PRORP: variants seen among roughly 807,000 people sequenced by gnomAD.
PRORP encodes protein only RNase P catalytic subunit.
In PRORP, 51 loss-of-function variants were observed where a neutral mutation model predicts 59.4. The observed-to-expected ratio is 0.86, with a 90% CI of 0.69 to 1.08. PRORP has a LOEUF of 1.08. Ranked by LOEUF, PRORP falls within the 50% of genes least tolerant of loss-of-function variation. The probability of loss-of-function intolerance (pLI) is 0.00; values close to 1 mark genes in which losing one functional copy is unlikely to be tolerated. For synonymous variants in PRORP, 231 were observed against 245.6 expected (o/e 0.94, Z 0.55); for missense variants, 646 against 690.3 (o/e 0.94, Z 0.72).
intron 5 of PRORP, chr14:35,235,493 A>C: frequency 1.6e-6 from 1 of 620,880 alleles, no homozygotes; most frequent in Non-Finnish European, 3.0e-6. Context: ...GATGGGATCC[A>C]CTTCATGTGC....
chr14:35,131,623 G>A (rs1268975672), intron 4 of PRORP, among the ~76,000 whole-genome samples: 7 of 151,646 alleles, frequency 4.6e-5, no homozygotes, highest in Admixed American at 4.6e-4. Context: ...CCACCTCCTG[G>A]GTTCAAGCGA....
intron 5 of PRORP, among the ~76,000 whole-genome samples, chr14:35,257,729 A>G (rs1251102167): frequency 6.6e-6 from 1 of 152,204 alleles, no homozygotes; most frequent in African/African-American, 2.4e-5. Flanking sequence ...AAGAATTTCT[A>G]ATTTCTGAAG....
At chr14:35,248,883 G>T (rs747439765) in intron 5 of PRORP, among the ~76,000 whole-genome samples, 22 of 152,198 alleles carry the variant, frequency 1.4e-4, no homozygotes, top group Non-Finnish European at 2.6e-4. Context: ...GAGAGTAATA[G>T]CATCATAAAA....
chr14:35,182,613 C>T (rs1277676264), intron 5 of PRORP, among the ~76,000 whole-genome samples: 1 of 152,148 alleles, frequency 6.6e-6, no homozygotes, highest in East Asian at 1.9e-4. Flanking sequence ...CCATTGCACT[C>T]CAGCCTGGGC....
At chr14:35,263,148 A>C in intron 5 of PRORP, 1 of 755,522 alleles carries the variant, frequency 1.3e-6, no homozygotes, top group Non-Finnish European at 2.1e-6. Flanking sequence ...AAATAAAATA[A>C]AAATACATAG....
chr14:35,126,424 T>G (rs1595154469), intron 2 of PRORP, among the ~76,000 whole-genome samples: 2 of 152,150 alleles, frequency 1.3e-5, no homozygotes, highest in East Asian at 3.9e-4. Flanking sequence ...TTCTGGCAGC[T>G]TTATGGAGAA....
chr14:35,235,431 A>C, intron 5 of PRORP: 1 of 673,240 alleles, frequency 1.5e-6, no homozygotes, highest in Non-Finnish European at 2.7e-6. Context: ...TTGATAATGC[A>C]GTAAGGGACC....
intron 5 of PRORP, among the ~76,000 whole-genome samples, chr14:35,183,373 A>T (rs1185539681): frequency 6.6e-6 from 1 of 152,176 alleles, no homozygotes; most frequent in East Asian, 1.9e-4. Context: ...TATATTACTT[A>T]AAAATTTTAA....
intron 6 of PRORP, among the ~76,000 whole-genome samples, chr14:35,267,569 G>C (rs563096649): frequency 6.6e-6 from 1 of 152,154 alleles, no homozygotes; most frequent in Admixed American, 6.5e-5. Flanking sequence ...AGATCACGAG[G>C]TCAGGAGATC....
intron 5 of PRORP, among the ~76,000 whole-genome samples, chr14:35,247,614 A>G (rs2050515866): frequency 6.6e-6 from 1 of 152,150 alleles, no homozygotes; most frequent in African/African-American, 2.4e-5. Flanking sequence ...ACTTTCCCAG[A>G]GTGAGCAAAT....
intron 5 of PRORP, among the ~76,000 whole-genome samples, chr14:35,266,273 C>T (rs895739747): frequency 6.7e-5 from 10 of 150,282 alleles, no homozygotes; most frequent in African/African-American, 1.7e-4. Flanking sequence ...GCTGAGATCT[C>T]GCCATTGTAC....
At chr14:35,247,318 C>T (rs1466146742) in intron 5 of PRORP, among the ~76,000 whole-genome samples, 1 of 152,128 alleles carries the variant, frequency 6.6e-6, no homozygotes, top group Non-Finnish European at 1.5e-5. Context: ...CCCTTCCTCC[C>T]TTCCTTTCTC....
chr14:35,199,092 C>T (rs1233526212), intron 5 of PRORP, among the ~76,000 whole-genome samples: 8 of 152,032 alleles, frequency 5.3e-5, no homozygotes, highest in Admixed American at 2.0e-4. Flanking sequence ...TGCTTGAACC[C>T]GGGAGGCGGA....
intron 5 of PRORP, among the ~76,000 whole-genome samples, chr14:35,193,995 TC>T (rs755378739): frequency 3.3e-5 from 5 of 152,184 alleles, no homozygotes; most frequent in Non-Finnish European, 5.9e-5. Flanking sequence ...AATTTTTTTT[TC>T]TTTTTCAAAT....
intron 5 of PRORP, among the ~76,000 whole-genome samples, chr14:35,259,261 G>A (rs1163937111): frequency 1.3e-5 from 2 of 152,066 alleles, no homozygotes; most frequent in African/African-American, 4.8e-5. Context: ...TATTAATATA[G>A]CCACTCCAGC....
chr14:35,234,654 T>C (rs934967488), intron 5 of PRORP, among the ~76,000 whole-genome samples: 1 of 151,134 alleles, frequency 6.6e-6, no homozygotes, highest in African/African-American at 2.4e-5. Context: ...AAATCCTTTC[T>C]TTCCTCTTTC....
intron 4 of PRORP, among the ~76,000 whole-genome samples, chr14:35,151,736 T>C (rs369360945): frequency 3.3e-5 from 5 of 151,844 alleles, no homozygotes; most frequent in African/African-American, 1.2e-4. Context: ...AGGGTAGGGA[T>C]TTTTAAATGC....
intron 5 of PRORP, among the ~76,000 whole-genome samples, chr14:35,203,661 G>A (rs980051245): frequency 6.6e-6 from 1 of 152,056 alleles, no homozygotes; most frequent in Non-Finnish European, 1.5e-5. Flanking sequence ...TCAGGAGATC[G>A]AGACCATCCT....
At chr14:35,239,373 A>G (rs1338052619) in intron 5 of PRORP, among the ~76,000 whole-genome samples, 1 of 151,554 alleles carries the variant, frequency 6.6e-6, no homozygotes, top group Non-Finnish European at 1.5e-5. Flanking sequence ...AAAACAAACT[A>G]CACTAAATCC....
Sources: allele counts gnomAD v4.1 joint callset (sites outside exome capture counted in the v4.1 genomes callset), GRCh38; gene constraint gnomAD v4.1.1; transcripts MANE v1.5; gene names NCBI Gene and HGNC (gene_info 2026-07-23, HGNC 2026-07-21).